The following MACROD2 variants were observed in gnomAD, a reference collection of about 807,000 sequenced individuals.
MACROD2 encodes ADP-ribose glycohydrolase MACROD2.
In MACROD2, 36 loss-of-function variants were observed where a neutral mutation model predicts 70.4. That is an observed-to-expected ratio of 0.51 (90% CI 0.39 to 0.68). The LOEUF (loss-of-function observed/expected upper bound fraction) is 0.68. Among genes scored for constraint, MACROD2 ranks in the 30% least tolerant of loss-of-function variants. MACROD2 has a pLI of 0.00. For synonymous variants in MACROD2, 172 were observed against 178.8 expected (o/e 0.96, Z 0.30); for missense variants, 496 against 538.4 (o/e 0.92, Z 0.78).
At chr20:15,837,256 A>G (rs2064124227) in intron 8 of MACROD2, among the ~76,000 whole-genome samples, 1 of 152,216 alleles carries the variant, frequency 6.6e-6, no homozygotes, top group Admixed American at 6.5e-5. Flanking sequence ...TATAATATGC[A>G]CTAAGATTTG....
intron 3 of MACROD2, among the ~76,000 whole-genome samples, chr20:14,351,897 T>C (rs1405789882): frequency 1.3e-5 from 2 of 152,284 alleles, no homozygotes; most frequent in East Asian, 3.9e-4. Flanking sequence ...TGAGGTTCAT[T>C]TGTTCTATAT....
intron 3 of MACROD2, among the ~76,000 whole-genome samples, chr20:14,192,224 A>AT (rs879355400): frequency 3.2e-4 from 49 of 151,012 alleles, no homozygotes; most frequent in African/African-American, 8.2e-4. Context: ...TTATCTGTGT[A>AT]TTTTTTTTTG....
intron 5 of MACROD2, among the ~76,000 whole-genome samples, chr20:14,756,445 G>A (rs1408242387): frequency 6.6e-6 from 1 of 152,052 alleles, no homozygotes; most frequent in Non-Finnish European, 1.5e-5. Context: ...TCCTTAGGTA[G>A]TGAGCTTCAT....
chr20:15,784,444 A>G (rs1158386208), intron 8 of MACROD2, among the ~76,000 whole-genome samples: 1 of 152,186 alleles, frequency 6.6e-6, no homozygotes, highest in African/African-American at 2.4e-5. Context: ...GCATCTGGTC[A>G]TTAATGCATA....
intron 8 of MACROD2, among the ~76,000 whole-genome samples, chr20:15,722,929 T>C (rs2050807920): frequency 6.6e-6 from 1 of 152,158 alleles, no homozygotes; most frequent in Admixed American, 6.6e-5. Flanking sequence ...TTTTATTTCT[T>C]TTCTATATTA....
chr20:14,237,638 C>T (rs897474983), intron 3 of MACROD2, among the ~76,000 whole-genome samples: 7 of 151,688 alleles, frequency 4.6e-5, no homozygotes, highest in Admixed American at 3.3e-4. Context: ...GTGTGCTGCA[C>T]CCATTAACTT....
intron 8 of MACROD2, among the ~76,000 whole-genome samples, chr20:15,762,181 A>G (rs1418232555): frequency 6.6e-6 from 1 of 152,228 alleles, no homozygotes; most frequent in Non-Finnish European, 1.5e-5. Flanking sequence ...CAAGTGCCAT[A>G]ACTTCTTAGG....
At chr20:14,976,058 A>G (rs758390248) in intron 5 of MACROD2, among the ~76,000 whole-genome samples, 5 of 152,182 alleles carry the variant, frequency 3.3e-5, no homozygotes, top group African/African-American at 4.8e-5. Context: ...CGACTTCAAA[A>G]TGTCAAGAGC....
At chr20:15,676,849 A>G (rs2050064192) in intron 8 of MACROD2, among the ~76,000 whole-genome samples, 1 of 152,192 alleles carries the variant, frequency 6.6e-6, no homozygotes, top group Admixed American at 6.5e-5. Context: ...ATTCTATTGA[A>G]TGGCAAGCTC....
At chr20:15,844,010 C>T (rs1446593223) in intron 8 of MACROD2, among the ~76,000 whole-genome samples, 3 of 151,830 alleles carry the variant, frequency 2.0e-5, no homozygotes, top group East Asian at 1.9e-4. Flanking sequence ...CCTTACAACC[C>T]ACCTCACTGT....
At position 14,667,984 on chromosome 20, in the gene MACROD2, C is replaced by CA. The variant is rs571955283; in HGVS notation, c.302-16853dup. ...GCAACATGGCAAGACCCTGTATCTACAAAAAATACAAATATTTGCTGGGCA... is the reference window on the plus strand; with the variant it reads ...GCAACATGGCAAGACCCTGTATCTACAAAAAAATACAAATATTTGCTGGGCA... On this transcript the variant is annotated intron_variant, in intron 4 of 17. Coordinates refer to ENST00000684519, the MANE Select transcript of MACROD2 (RefSeq NM_001351661.2). Among the ~76,000 whole-genome samples the CA allele has an allele frequency of 4.6e-5, 7 of 152,040 alleles. No homozygotes were observed. In the South Asian group the frequency reaches 1.0e-3, roughly 23 times the overall value.
chr20:16,027,359 A>G (rs1453158232), intron 15 of MACROD2, among the ~76,000 whole-genome samples: 1 of 152,212 alleles, frequency 6.6e-6, no homozygotes, highest in African/African-American at 2.4e-5. Flanking sequence ...AATATTCAGA[A>G]CAAATTATGC....
At chr20:15,306,457 T>C (rs566552914) in intron 6 of MACROD2, among the ~76,000 whole-genome samples, 8 of 152,204 alleles carry the variant, frequency 5.3e-5, no homozygotes, top group Non-Finnish European at 1.0e-4. Context: ...TATACTATTA[T>C]GTCAATTTTA....
At chr20:14,615,686 T>G (rs1342900839) in intron 4 of MACROD2, among the ~76,000 whole-genome samples, 1 of 152,084 alleles carries the variant, frequency 6.6e-6, no homozygotes. Context: ...GGGAAGAATA[T>G]GTGCCAGTGT....
At chr20:14,990,635 T>A (rs186358139) in intron 5 of MACROD2, among the ~76,000 whole-genome samples, 65 of 150,040 alleles carry the variant, frequency 4.3e-4, no homozygotes, top group Non-Finnish European at 7.8e-4. Context: ...TGCCTCAGCC[T>A]CCCAAGTAGC....
chr20:15,380,315 G>C (rs547556055), intron 6 of MACROD2, among the ~76,000 whole-genome samples: 13 of 152,196 alleles, frequency 8.5e-5, no homozygotes, highest in African/African-American at 3.1e-4. Flanking sequence ...GAGGAAAGAA[G>C]CTTTCAAAGT....
chr20:15,206,898 G>A (rs1393357640), intron 5 of MACROD2, among the ~76,000 whole-genome samples: 5 of 150,390 alleles, frequency 3.3e-5, no homozygotes, highest in South Asian at 4.2e-4. Flanking sequence ...CACCGCGCCC[G>A]GCTAATTTTT....
intron 6 of MACROD2, among the ~76,000 whole-genome samples, chr20:15,264,574 A>G (rs2077276253): frequency 6.6e-6 from 1 of 152,168 alleles, no homozygotes; most frequent in Non-Finnish European, 1.5e-5. Flanking sequence ...GGGTGGTGGC[A>G]ACAAGCTATG....
At chr20:14,997,429 G>A (rs906107653) in intron 5 of MACROD2, among the ~76,000 whole-genome samples, 5 of 152,124 alleles carry the variant, frequency 3.3e-5, no homozygotes, top group Non-Finnish European at 7.4e-5. Context: ...CTCTCCACAG[G>A]CCTCGGGTGA....
Sources: gnomAD v4.1 joint callset for allele counts (sites outside exome capture counted in the v4.1 genomes callset) on GRCh38, gnomAD v4.1.1 for gene constraint, MANE v1.5 for transcripts, NCBI Gene and HGNC (gene_info 2026-07-23, HGNC 2026-07-21) for gene names.